Variants in DCTD observed in about 807,000 individuals in gnomAD.
The protein encoded by DCTD is dCMP deaminase, also known as deoxycytidylate deaminase.
In DCTD, 23 loss-of-function variants were observed where a neutral mutation model predicts 21.0. The ratio of observed to expected loss-of-function variants is 1.09; its 90% CI spans 0.79 to 1.55. The LOEUF is 1.55. Ranked by LOEUF, DCTD falls within the 40% of genes most tolerant of loss-of-function variation. The pLI, the probability that DCTD is intolerant of heterozygous loss-of-function variation, is 0.00. For synonymous variants in DCTD, 71 were observed against 81.1 expected, an observed-to-expected ratio of 0.88 and a Z score of 0.67; for missense variants, 224 against 230.0, an observed-to-expected ratio of 0.97 and a Z score of 0.17.
At chr4:182,908,682 C>CAAAAAAAAAAAA (rs34915632) in intron 3 of DCTD, among the ~76,000 whole-genome samples, 9 of 63,724 alleles carry the variant, frequency 1.4e-4, no homozygotes, top group African/African-American at 2.9e-4. Flanking sequence ...GACTCTGTCT[C>CAAAAAAAAAAAA]AAAAAAAAAA....
intron 1 of DCTD, chr4:182,916,850 A>T: frequency 9.6e-7 from 1 of 1,044,538 alleles, no homozygotes; most frequent in Non-Finnish European, 1.2e-6. Flanking sequence ...GTGAGGACTG[A>T]GGCCCAGCTG....
chr4:182,917,427 G>C (rs1738945573), upstream of DCTD: 6 of 987,992 alleles, frequency 6.1e-6, no homozygotes, highest in Admixed American at 1.1e-4. This position sits in a 1 kb window ranked among gnomAD's most constrained non-coding sequence, Gnocchi z 4.9. Context: ...GCAGCGGCCC[G>C]GGCGCCGCGC....
In DCTD at chr4:182,892,370, A is replaced by C. The variant is rs1733921913; in HGVS notation, c.458+661T>G. On this transcript the variant is annotated intron_variant, in intron 5 of 5. Transcript: ENST00000438320. The stretch of plus-strand genomic sequence containing the variant: ...CTGTAAGACTTCAAATCTCAATGCA[A>C]AATGTTGCTGTAAAAAGAATCCCCA... 2.0e-5 allele frequency among the ~76,000 whole-genome samples: 3 copies of C among 152,200 alleles called. No homozygotes were observed. In the South Asian group the frequency reaches 6.2e-4, roughly 32 times the overall value.
chr4:182,893,377 A>G (rs187081763), intron 4 of DCTD, among the ~76,000 whole-genome samples: 8 of 152,324 alleles, frequency 5.3e-5, no homozygotes, highest in Admixed American at 4.6e-4. Context: ...AAACATGTCA[A>G]GTAGTCAAGC....
chr4:182,909,147 ACT>A (rs1187807539), intron 3 of DCTD, among the ~76,000 whole-genome samples: 2 of 152,166 alleles, frequency 1.3e-5, no homozygotes, highest in Non-Finnish European at 2.9e-5. Context: ...AAAATAATTA[ACT>A]CTGTAACTAT....
intron 4 of DCTD, 48 bp downstream of exon 4, chr4:182,894,441 G>T: frequency 9.0e-7 from 1 of 1,114,888 alleles, no homozygotes; most frequent in Non-Finnish European, 1.4e-6. Flanking sequence ...AGCTACTGAC[G>T]AGCAGGCAGC....
chr4:182,901,470 G>A (rs1048472991), intron 3 of DCTD, among the ~76,000 whole-genome samples: 1 of 152,170 alleles, frequency 6.6e-6, no homozygotes, highest in Non-Finnish European at 1.5e-5. Context: ...ACCTGAACAG[G>A]TGGCAGCCTG....
chr4:182,899,065 TCA>T (rs1735244627), intron 3 of DCTD, among the ~76,000 whole-genome samples: 2 of 152,204 alleles, frequency 1.3e-5, no homozygotes, highest in Admixed American at 1.3e-4. Context: ...AGACATTTTT[TCA>T]CACAGCCAAT....
At chr4:182,907,464 C>T (rs1044209445) in intron 3 of DCTD, among the ~76,000 whole-genome samples, 2 of 152,090 alleles carry the variant, frequency 1.3e-5, no homozygotes, top group Non-Finnish European at 1.5e-5. Flanking sequence ...TGCTGTTATC[C>T]AACCTTTTCT....
intron 1 of DCTD, 172 bp from the exon 2 acceptor site, chr4:182,915,747 T>C (rs1472661384): frequency 1.3e-6 from 1 of 769,510 alleles, no homozygotes; most frequent in Non-Finnish European, 1.9e-6. Context: ...TGGTCTTAAG[T>C]AAAAACTTAA....
chr4:182,905,715 G>T (rs1181434403), intron 3 of DCTD, among the ~76,000 whole-genome samples: 1 of 152,082 alleles, frequency 6.6e-6, no homozygotes, highest in South Asian at 2.1e-4. Flanking sequence ...CTCTGCACAT[G>T]CTCCCTTCAT....
rs574897958 is a variant in DCTD, at chr4:182,893,191, G to A, written c.362-64C>T. The A allele has an allele frequency of 1.1e-3, 1,050 of 937,872 alleles. 4 individuals carry two copies. Among genetic ancestry groups the A allele is most frequent in the Non-Finnish European group, 1.5e-3 (848 of 577,334 alleles). The allele number at this position is 937,872 out of a possible 1,614,324, so 58.1% of individuals were successfully genotyped here. A position where few individuals can be genotyped will look rare whatever the true frequency, so the allele number is the denominator to read the frequency against. On this transcript the variant is annotated intron_variant, in intron 4 of 5. Transcript: ENST00000438320. ...CTACAGATGCTGCAAAAGACAGGCG[G>A]AAGCAGCTGGAGCACTTTCAGCGTC... is the stretch of plus-strand genomic sequence containing the variant.
chr4:182,906,626 G>A (rs1034168277), intron 3 of DCTD, among the ~76,000 whole-genome samples: 2 of 152,218 alleles, frequency 1.3e-5, no homozygotes, highest in South Asian at 2.1e-4. Context: ...CAGGTGACTC[G>A]TTAGTACTTA....
intron 3 of DCTD, among the ~76,000 whole-genome samples, chr4:182,897,349 C>T (rs1016030336): frequency 6.7e-5 from 10 of 149,752 alleles, no homozygotes; most frequent in African/African-American, 2.4e-4. Flanking sequence ...TATATCATAT[C>T]TGAATATTAA....
intron 3 of DCTD, among the ~76,000 whole-genome samples, chr4:182,914,440 T>G (rs1157983974): frequency 6.6e-6 from 1 of 152,270 alleles, no homozygotes; most frequent in Non-Finnish European, 1.5e-5. Context: ...AGCAATGAGC[T>G]TGAGCCAGAT....
At chr4:182,911,833 CT>C (rs767982255) in intron 3 of DCTD, among the ~76,000 whole-genome samples, 7 of 152,128 alleles carry the variant, frequency 4.6e-5, no homozygotes, top group Admixed American at 1.3e-4. Context: ...AAAAATGTTA[CT>C]GATACGAAGT....
At chr4:182,909,832 A>G (rs1360487486) in intron 3 of DCTD, among the ~76,000 whole-genome samples, 1 of 152,238 alleles carries the variant, frequency 6.6e-6, no homozygotes, top group Non-Finnish European at 1.5e-5. Context: ...AGTGACATCT[A>G]TGCATGCTTA....
chr4:182,894,959 G>T (rs969563286), intron 3 of DCTD, among the ~76,000 whole-genome samples: 8 of 152,262 alleles, frequency 5.3e-5, no homozygotes, highest in African/African-American at 1.9e-4. Flanking sequence ...GAAGTTCACC[G>T]TGGCTGTTAA....
rs1456946264 is a variant in DCTD, at chr4:182,891,550, A to T, written c.459-73T>A. 3.8e-6 allele frequency: 4 copies of T among 1,063,446 alleles called. No individual in the cohort carries two copies. The South Asian group carries it at 5.1e-5, about 13-fold the overall frequency. The allele number at this position is 1,063,446 out of a possible 1,614,324, so 65.9% of individuals were successfully genotyped here. ...CAATTTGTTTACTTTGGCTTAACTC[A>T]TATTTTCTGTGCAGAGAAAAATATG... On this transcript the variant is annotated intron_variant, in intron 5 of 5. Coordinates refer to ENST00000438320, the MANE Select transcript of DCTD (RefSeq NM_001921.3).
Sources: allele counts gnomAD v4.1 joint callset (sites outside exome capture counted in the v4.1 genomes callset), GRCh38; gene constraint gnomAD v4.1.1; non-coding constraint Gnocchi (gnomAD v3.1); transcripts MANE v1.5; gene names NCBI Gene and HGNC (gene_info 2026-07-23, HGNC 2026-07-21).